ABTB3: variants seen among roughly 807,000 people sequenced by gnomAD.
ABTB3 encodes the protein ankyrin repeat and BTB domain containing 3.
chr12:107,319,636 C>T, the ABTB3 span: 3 of 1,537,000 alleles, frequency 2.0e-6, no homozygotes, highest in Admixed American at 5.9e-5. Flanking sequence ...TCCACGAGCA[C>T]GCCGCCATCT....
At chr12:107,528,569 CTA>C in the ABTB3 span, among the ~76,000 whole-genome samples, 1 of 152,146 alleles carries the variant, frequency 6.6e-6, no homozygotes, top group Non-Finnish European at 1.5e-5. Flanking sequence ...CAGTTAGTGA[CTA>C]TTGGATTTGT....
the ABTB3 span, among the ~76,000 whole-genome samples, chr12:107,424,483 T>G: frequency 6.6e-6 from 1 of 152,174 alleles, no homozygotes; most frequent in Admixed American, 6.5e-5. Flanking sequence ...AAAGGCTGCT[T>G]GGTTTAATGA....
chr12:107,377,443 G>A, the ABTB3 span, among the ~76,000 whole-genome samples: 1 of 148,648 alleles, frequency 6.7e-6, no homozygotes, highest in African/African-American at 2.5e-5. Context: ...GTGTGTGTGT[G>A]TGTGTGTCCC....
At chr12:107,342,246 C>A in the ABTB3 span, among the ~76,000 whole-genome samples, 1 of 151,744 alleles carries the variant, frequency 6.6e-6, no homozygotes, top group Non-Finnish European at 1.5e-5. Context: ...TCATATTCCT[C>A]ATTTTTTTGG....
chr12:107,605,673 C>T, the ABTB3 span, among the ~76,000 whole-genome samples: 1 of 152,164 alleles, frequency 6.6e-6, no homozygotes, highest in African/African-American at 2.4e-5. Flanking sequence ...TAACATGGTT[C>T]TATTTATGTT....
chr12:107,455,917 G>A, the ABTB3 span, among the ~76,000 whole-genome samples: 1 of 152,270 alleles, frequency 6.6e-6, no homozygotes, highest in East Asian at 1.9e-4. Flanking sequence ...GTTTTCTTTA[G>A]GTCTGGGCAT....
chr12:107,549,618 T>G, the ABTB3 span, among the ~76,000 whole-genome samples: 2 of 152,328 alleles, frequency 1.3e-5, no homozygotes, highest in South Asian at 4.1e-4. Context: ...GGTAGAAGAT[T>G]AACAAATCTT....
chr12:107,641,606 C>T, the ABTB3 span, among the ~76,000 whole-genome samples: 1 of 152,162 alleles, frequency 6.6e-6, no homozygotes, highest in African/African-American at 2.4e-5. Flanking sequence ...AGGTAGTCAA[C>T]AAACATTGAT....
the ABTB3 span, among the ~76,000 whole-genome samples, chr12:107,605,287 C>T: frequency 2.0e-5 from 3 of 152,180 alleles, no homozygotes; most frequent in African/African-American, 4.8e-5. Context: ...TCCTGCCCCT[C>T]GGAGGCTGGC....
the ABTB3 span, among the ~76,000 whole-genome samples, chr12:107,458,062 A>G: frequency 3.3e-5 from 5 of 152,184 alleles, no homozygotes; most frequent in East Asian, 7.7e-4. Flanking sequence ...GGGTGTGAGT[A>G]CCCAGTAAAT....
chr12:107,532,813 A>G, the ABTB3 span, among the ~76,000 whole-genome samples: 2 of 152,310 alleles, frequency 1.3e-5, no homozygotes, highest in Middle Eastern at 3.4e-3. Flanking sequence ...CCATCAAACT[A>G]GAAACAGATT....
chr12:107,468,235 CT>C, the ABTB3 span, among the ~76,000 whole-genome samples: 1 of 152,188 alleles, frequency 6.6e-6, no homozygotes, highest in African/African-American at 2.4e-5. Context: ...CAAGCACTCC[CT>C]GGCAAGAGTG....
At chr12:107,514,755 T>A in the ABTB3 span, among the ~76,000 whole-genome samples, 1 of 152,204 alleles carries the variant, frequency 6.6e-6, no homozygotes, top group Admixed American at 6.5e-5. Context: ...GTGTAATAGA[T>A]CAATTATAGA....
the ABTB3 span, chr12:107,581,059 G>A: frequency 6.5e-7 from 1 of 1,542,390 alleles, no homozygotes; most frequent in East Asian, 2.7e-5. Flanking sequence ...GGAGATGGGG[G>A]GATCCCCGCG....
the ABTB3 span, chr12:107,657,500 T>G: frequency 9.3e-6 from 15 of 1,612,816 alleles, no homozygotes; most frequent in Non-Finnish European, 1.3e-5. Flanking sequence ...TCCTCTCCAC[T>G]CTCCACAGTT....
the ABTB3 span, among the ~76,000 whole-genome samples, chr12:107,362,891 C>A: frequency 6.6e-6 from 1 of 152,106 alleles, no homozygotes; most frequent in East Asian, 1.9e-4. Context: ...GATATTCTGT[C>A]CATTTCCATT....
At chr12:107,493,587 C>G in the ABTB3 span, among the ~76,000 whole-genome samples, 1 of 152,098 alleles carries the variant, frequency 6.6e-6, no homozygotes, top group Non-Finnish European at 1.5e-5. Flanking sequence ...GAATTGTGTA[C>G]CTGCCAAAAT....
At chr12:107,570,824 T>G in the ABTB3 span, among the ~76,000 whole-genome samples, 1 of 152,186 alleles carries the variant, frequency 6.6e-6, no homozygotes, top group Non-Finnish European at 1.5e-5. Flanking sequence ...TCCGTTGCTC[T>G]GTCTCAGCCC....
the ABTB3 span, among the ~76,000 whole-genome samples, chr12:107,586,265 A>T: frequency 6.6e-6 from 1 of 152,048 alleles, no homozygotes; most frequent in African/African-American, 2.4e-5. Context: ...CATTTCCCCC[A>T]GTCATGTCCA....
Sources: gnomAD v4.1 joint callset for allele counts (sites outside exome capture counted in the v4.1 genomes callset) on GRCh38, gnomAD v4.1.1 for gene constraint, MANE v1.5 for transcripts, NCBI Gene and HGNC (gene_info 2026-07-23, HGNC 2026-07-21) for gene names.